Variants in SCHIP1 observed in about 807,000 individuals in gnomAD.
The protein encoded by SCHIP1 is schwannomin interacting protein 1, also known as schwannomin-interacting protein 1.
Under a neutral mutation model 29.7 loss-of-function variants are expected in SCHIP1, and 8 were observed. The ratio of observed to expected loss-of-function variants is 0.27; its 90% CI spans 0.16 to 0.49. SCHIP1 has a LOEUF of 0.49. Ranked by LOEUF, SCHIP1 falls within the 20% of genes least tolerant of loss-of-function variation. The probability of loss-of-function intolerance (pLI) is 0.99; values close to 1 mark genes in which losing one functional copy is unlikely to be tolerated. For missense variants in SCHIP1, 193 were observed against 294.6 expected (o/e 0.66, Z 2.52); for synonymous variants, 76 against 94.9 (o/e 0.80, Z 1.16).
At chr3:159,342,881 A>G in the SCHIP1 span, among the ~76,000 whole-genome samples, 1 of 152,224 alleles carries the variant, frequency 6.6e-6, no homozygotes, top group African/African-American at 2.4e-5. Context: ...CCCATTGTTT[A>G]TAATGTAAAT....
the SCHIP1 span, among the ~76,000 whole-genome samples, chr3:159,418,020 T>A: frequency 1.9e-4 from 29 of 152,238 alleles, no homozygotes; most frequent in African/African-American, 6.5e-4. Context: ...CCACCCACAT[T>A]TGACCCCAGA....
rs1440922016 is a variant in SCHIP1, at chr3:159,842,997, C to CTTTTTTTTTTTTTTTTTTTTTTT, written c.30+2786_30+2787insTTTTTTTTTTTTTTTTTTTTTTT. Among the ~76,000 whole-genome samples, 70 of 61,728 alleles carry CTTTTTTTTTTTTTTTTTTTTTTT rather than the reference C, an allele frequency of 1.1e-3. 19 individuals carry two copies. The highest frequency in any genetic ancestry group is 6.2e-3 in the East Asian group (15 of 2,420). 40.5% of individuals were successfully genotyped at this position (61,728 alleles called of 152,430 possible). On this transcript the variant is annotated intron_variant, in intron 1 of 6. Transcript: ENST00000445224. ...GCTCTCCAGTTCTATCCCAATATTTCTTTCTTTTTTTTTTTTTTTTTTTTT... is the reference window on the plus strand; with the variant it reads ...GCTCTCCAGTTCTATCCCAATATTTCTTTTTTTTTTTTTTTTTTTTTTTTTTCTTTTTTTTTTTTTTTTTTTTT...
At chr3:159,353,388 C>T in the SCHIP1 span, among the ~76,000 whole-genome samples, 1 of 151,996 alleles carries the variant, frequency 6.6e-6, no homozygotes, top group African/African-American at 2.4e-5. Flanking sequence ...TACCAGGTGA[C>T]AGGCAGAGTC....
intron 6 of SCHIP1, chr3:159,894,621 G>A (rs1333531526): frequency 6.6e-6 from 1 of 152,006 alleles, no homozygotes; most frequent in Non-Finnish European, 1.5e-5. Flanking sequence ...TGAAAACAGA[G>A]GTGATGTCAT....
chr3:159,674,598 TAAAAAA>T, the SCHIP1 span, among the ~76,000 whole-genome samples: 3 of 53,976 alleles, frequency 5.6e-5, no homozygotes, highest in African/African-American at 7.4e-5. Flanking sequence ...GGGTCAGGAT[TAAAAAA>T]AAAAAAAAAA....
At chr3:159,671,793 C>G in the SCHIP1 span, among the ~76,000 whole-genome samples, 2 of 152,092 alleles carry the variant, frequency 1.3e-5, no homozygotes, top group Non-Finnish European at 2.9e-5. Flanking sequence ...ATTTAAAAAT[C>G]ACTTTCAAAA....
chr3:159,785,063 A>C, the SCHIP1 span, among the ~76,000 whole-genome samples: 3 of 152,326 alleles, frequency 2.0e-5, no homozygotes, highest in East Asian at 5.8e-4. Context: ...CAAAAAGCCA[A>C]TGTGAATTTT....
the SCHIP1 span, among the ~76,000 whole-genome samples, chr3:159,704,417 TAAAAAAAAAAAAAAAA>T: frequency 7.6e-5 from 7 of 92,620 alleles, no homozygotes; most frequent in Admixed American, 5.1e-4. Context: ...CAATTTTTTC[TAAAAAAAAAAAAAAAA>T]AAAAAAAAAA....
chr3:159,408,156 G>A, the SCHIP1 span, among the ~76,000 whole-genome samples: 1 of 151,938 alleles, frequency 6.6e-6, no homozygotes, highest in Admixed American at 6.6e-5. Context: ...AAATTAGCCG[G>A]GCATGGTGGC....
chr3:159,381,061 G>T, the SCHIP1 span, among the ~76,000 whole-genome samples: 2,472 of 152,288 alleles, frequency 0.016, 56 homozygotes, highest in African/African-American at 0.056. Flanking sequence ...CATTTACAAG[G>T]AGATGCTTAA....
the SCHIP1 span, among the ~76,000 whole-genome samples, chr3:159,714,897 G>C: frequency 1.3e-5 from 2 of 152,202 alleles, no homozygotes; most frequent in Non-Finnish European, 2.9e-5. Flanking sequence ...AGAGAGTAGT[G>C]GTTCTCCCAT....
the SCHIP1 span, among the ~76,000 whole-genome samples, chr3:159,554,211 T>C: frequency 6.6e-6 from 1 of 152,180 alleles, no homozygotes; most frequent in Non-Finnish European, 1.5e-5. Flanking sequence ...TCATCACATC[T>C]ACTGTATCCT....
At chr3:159,324,119 A>C in the SCHIP1 span, among the ~76,000 whole-genome samples, 431 of 152,292 alleles carry the variant, frequency 2.8e-3, no homozygotes, top group African/African-American at 9.9e-3. Context: ...TGGGCGGGTT[A>C]CTGCAGCCTG....
chr3:159,724,857 G>C, the SCHIP1 span, among the ~76,000 whole-genome samples: 1 of 152,138 alleles, frequency 6.6e-6, no homozygotes, highest in African/African-American at 2.4e-5. Flanking sequence ...TAACTCAATG[G>C]GAATTCAGTG....
At chr3:159,868,944 G>A (rs530140065) in intron 2 of SCHIP1, among the ~76,000 whole-genome samples, 19 of 152,094 alleles carry the variant, frequency 1.2e-4, no homozygotes, top group Admixed American at 9.2e-4. Context: ...GATCCATAAC[G>A]TTACTAACAT....
the SCHIP1 span, among the ~76,000 whole-genome samples, chr3:159,818,683 C>T: frequency 6.6e-6 from 1 of 152,240 alleles, no homozygotes; most frequent in East Asian, 1.9e-4. Context: ...AGCCTTCATA[C>T]TGCAAGCAGC....
chr3:159,725,100 G>A, the SCHIP1 span, among the ~76,000 whole-genome samples: 1 of 152,014 alleles, frequency 6.6e-6, no homozygotes. Flanking sequence ...AAACTTGATT[G>A]CTCATTCATC....
chr3:159,797,710 C>G, the SCHIP1 span, among the ~76,000 whole-genome samples: 2 of 152,170 alleles, frequency 1.3e-5, no homozygotes, highest in Middle Eastern at 3.4e-3. Context: ...GTAGCTGGGA[C>G]TACAGGTGCC....
the SCHIP1 span, among the ~76,000 whole-genome samples, chr3:159,292,841 T>C: frequency 3.3e-5 from 5 of 152,236 alleles, no homozygotes; most frequent in African/African-American, 1.2e-4. Context: ...TCGTACTTTT[T>C]TGGTTTTGTT....
Sources: gnomAD v4.1 joint callset for allele counts (sites outside exome capture counted in the v4.1 genomes callset) on GRCh38, gnomAD v4.1.1 for gene constraint, MANE v1.5 for transcripts, NCBI Gene and HGNC (gene_info 2026-07-23, HGNC 2026-07-21) for gene names.